Variants in CTNNA2 observed in about 807,000 individuals in gnomAD.
The protein encoded by CTNNA2 is catenin alpha-2.
Under a neutral mutation model 101.0 loss-of-function variants are expected in CTNNA2, and 42 were observed. The observed-to-expected ratio is 0.42, with a 90% CI of 0.32 to 0.54. The LOEUF (loss-of-function observed/expected upper bound fraction) is 0.54. CTNNA2 is among the 20% of genes least tolerant of loss of function. The pLI is 0.14. For synonymous variants in CTNNA2, 450 were observed against 456.4 expected, an observed-to-expected ratio of 0.99 and a Z score of 0.18; for missense variants, 871 against 1,223.1, an observed-to-expected ratio of 0.71 and a Z score of 4.29.
At chr2:80,213,576 A>G (rs562187874) in intron 7 of CTNNA2, among the ~76,000 whole-genome samples, 22 of 152,288 alleles carry the variant, frequency 1.4e-4, no homozygotes, top group African/African-American at 5.3e-4. Flanking sequence ...GTGGTCTGAG[A>G]GACAGTTTGT....
chr2:80,393,889 G>T (rs1347113601), intron 8 of CTNNA2, among the ~76,000 whole-genome samples: 1 of 152,162 alleles, frequency 6.6e-6, no homozygotes, highest in Non-Finnish European at 1.5e-5. Context: ...CTCCTTGAAA[G>T]TGTTGTATGA....
At chr2:79,892,094 C>G (rs1684348308) in intron 6 of CTNNA2, among the ~76,000 whole-genome samples, 1 of 152,066 alleles carries the variant, frequency 6.6e-6, no homozygotes, top group South Asian at 2.1e-4. Flanking sequence ...TTCTCCCATA[C>G]ACACACTCCT....
intron 7 of CTNNA2, among the ~76,000 whole-genome samples, chr2:80,077,775 G>A (rs1698858673): frequency 6.6e-6 from 1 of 152,102 alleles, no homozygotes; most frequent in Non-Finnish European, 1.5e-5. Context: ...AGGTAGATTA[G>A]TACTCACTGG....
intron 7 of CTNNA2, among the ~76,000 whole-genome samples, chr2:80,134,838 T>C (rs1702604820): frequency 6.6e-6 from 1 of 152,236 alleles, no homozygotes; most frequent in Non-Finnish European, 1.5e-5. Context: ...ATTTGCACAA[T>C]TTTAATGAAT....
chr2:79,624,901 G>A (rs746590122), intron 1 of CTNNA2, among the ~76,000 whole-genome samples: 14 of 152,112 alleles, frequency 9.2e-5, no homozygotes, highest in Non-Finnish European at 1.8e-4. Flanking sequence ...TGTATCCCTT[G>A]TTCTTGTCTC....
intron 7 of CTNNA2, among the ~76,000 whole-genome samples, chr2:80,224,146 C>A (rs1461585827): frequency 1.3e-5 from 2 of 152,142 alleles, no homozygotes; most frequent in Non-Finnish European, 2.9e-5. Flanking sequence ...TAGGATCCTG[C>A]TCATATCATA....
chr2:79,223,998 A>T (rs973223353), intron 2 of CTNNA2, among the ~76,000 whole-genome samples: 1 of 152,216 alleles, frequency 6.6e-6, no homozygotes, highest in Non-Finnish European at 1.5e-5. Flanking sequence ...AGTGGGACAG[A>T]CTTTGAAATC....
At chr2:80,291,421 T>G (rs973465434) in intron 7 of CTNNA2, among the ~76,000 whole-genome samples, 1 of 152,224 alleles carries the variant, frequency 6.6e-6, no homozygotes, top group Non-Finnish European at 1.5e-5. Flanking sequence ...GTGTCAAAGC[T>G]GGGACATGGA....
intron 2 of CTNNA2, among the ~76,000 whole-genome samples, chr2:79,711,519 T>C (rs957782983): frequency 6.6e-6 from 1 of 152,206 alleles, no homozygotes; most frequent in Non-Finnish European, 1.5e-5. Flanking sequence ...CAGGTCTTCA[T>C]AACTTTCCCT....
rs56929879 is a variant in CTNNA2, at chr2:79,860,546, G to GTTTTTTTTTTTTTTTTT, written c.465+2370_465+2386dup. Among the ~76,000 whole-genome samples the GTTTTTTTTTTTTTTTTT allele has an allele frequency of 3.4e-4, 36 of 107,192 alleles. 1 individual carries two copies. Among genetic ancestry groups the GTTTTTTTTTTTTTTTTT allele is most frequent in the African/African-American group, 1.0e-3 (27 of 27,090 alleles). 70.3% of individuals were successfully genotyped at this position (107,192 alleles called of 152,430 possible). On this transcript the variant is annotated intron_variant, in intron 4 of 18. Transcript: ENST00000402739. ...TTCTCCACACAGCCGAGTAAGGGAA[G>GTTTTTTTTTTTTTTTTT]TTTTTTTTTTTTTTTTTTTAACGAT...
In CTNNA2 at chr2:79,556,346, A is replaced by C. The variant is rs550016578; in HGVS notation, c.-6+43139A>C. ...CATGTAAATTTATCTGGTTCATAGAAGATTTTATAGTGGTGACTTGGACCT... is the reference window on the plus strand; with the variant it reads ...CATGTAAATTTATCTGGTTCATAGACGATTTTATAGTGGTGACTTGGACCT... On this transcript the variant is annotated intron_variant, in intron 1 of 18. Transcript: ENST00000402739. Among the ~76,000 whole-genome samples the C allele has an allele frequency of 1.3e-3, 198 of 152,180 alleles. 1 individual carries two copies. The Middle Eastern group carries it at 0.014, about 10-fold the overall frequency.
chr2:80,488,274 A>C (rs1390904815), intron 9 of CTNNA2, among the ~76,000 whole-genome samples: 1 of 152,172 alleles, frequency 6.6e-6, no homozygotes. Context: ...TCATAAATTT[A>C]CCAAAACTGA....
At chr2:79,917,075 AT>A (rs1266235525) in intron 7 of CTNNA2, among the ~76,000 whole-genome samples, 13 of 86,884 alleles carry the variant, frequency 1.5e-4, no homozygotes, top group Non-Finnish European at 2.7e-4. Flanking sequence ...TTATTTATTT[AT>A]TTATTTATTT....
intron 2 of CTNNA2, among the ~76,000 whole-genome samples, chr2:79,239,063 C>A (rs1382122718): frequency 6.6e-6 from 1 of 151,948 alleles, no homozygotes; most frequent in Non-Finnish European, 1.5e-5. Context: ...AACCCATCAC[C>A]CAGGTATTAA....
chr2:79,555,311 C>T (rs932767819), intron 1 of CTNNA2, among the ~76,000 whole-genome samples: 1 of 152,140 alleles, frequency 6.6e-6, no homozygotes, highest in Non-Finnish European at 1.5e-5. Context: ...CAGTAGTCCC[C>T]ACCCTGAGCC....
chr2:79,770,416 G>C (rs979355180), intron 3 of CTNNA2, among the ~76,000 whole-genome samples: 7 of 152,110 alleles, frequency 4.6e-5, no homozygotes, highest in Non-Finnish European at 8.8e-5. Flanking sequence ...ACAAAAATAA[G>C]GCAATACAAA....
At chr2:79,860,923 G>A (rs114275396) in intron 4 of CTNNA2, among the ~76,000 whole-genome samples, 118 of 152,306 alleles carry the variant, frequency 7.7e-4, no homozygotes, top group African/African-American at 2.1e-3. Flanking sequence ...ATAAAGTAAC[G>A]TATTGTCTGC....
rs542764563 is a variant in CTNNA2 at position 79,392,588 on chromosome 2, G to A, written c.-135+18575G>A. ...TTGTTAATTTTCTTGCCCAAGCTGT[G>A]AAAAACAAAAACTGTTTTTATCTTT... On this transcript the variant is annotated intron_variant, in intron 4 of 21. Transcript: ENST00000466387. Among the ~76,000 whole-genome samples, 5 of 152,132 alleles carry A rather than the reference G, an allele frequency of 3.3e-5. No homozygotes were observed. The South Asian group carries it at 1.0e-3, about 32-fold the overall frequency.
chr2:80,297,236 G>A (rs1036851230), intron 7 of CTNNA2, among the ~76,000 whole-genome samples: 22 of 152,178 alleles, frequency 1.4e-4, no homozygotes, highest in Admixed American at 3.3e-4. Context: ...TTTGTTAGGT[G>A]TAGGAGTGGA....
Sources: allele counts gnomAD v4.1 joint callset (sites outside exome capture counted in the v4.1 genomes callset), GRCh38; gene constraint gnomAD v4.1.1; transcripts MANE v1.5; gene names NCBI Gene and HGNC (gene_info 2026-07-23, HGNC 2026-07-21).